ZFAND4: variants seen among roughly 807,000 people sequenced by gnomAD.
ZFAND4 encodes the protein AN1-type zinc finger protein 4.
Under a neutral mutation model 64.4 loss-of-function variants are expected in ZFAND4, and 43 were observed. The observed-to-expected ratio is 0.67, with a 90% confidence interval of 0.52 to 0.86. The LOEUF is 0.86. Ranked by LOEUF, ZFAND4 falls within the 40% of genes least tolerant of loss-of-function variation. The pLI is 0.00. For synonymous variants in ZFAND4, 296 were observed against 305.7 expected (o/e 0.97, Z 0.33); for missense variants, 929 against 859.8 (o/e 1.08, Z -1.01).
In ZFAND4 at chr10:45,616,127, A is replaced by G. The variant is rs2044925744; in HGVS notation, c.*309T>C. 1 of 276,340 alleles carries G rather than the reference A, an allele frequency of 3.6e-6. No homozygotes were observed. The highest frequency in any genetic ancestry group is 5.0e-5 in the Admixed American group (1 of 20,038). 17.1% of individuals were successfully genotyped at this position (276,340 alleles called of 1,614,324 possible). A position where few individuals can be genotyped will look rare whatever the true frequency, so the allele number is the denominator to read the frequency against. ...TTATTTAGGAAATATTTCGTTTCCT[A>G]AAGTGCATCTTTTGAAGATTTGCCT... On this transcript the variant is annotated 3_prime_UTR_variant, in exon 10 of 10. Transcript: ENST00000344646.
intron 6 of ZFAND4, among the ~76,000 whole-genome samples, chr10:45,635,323 T>C (rs1042034129): frequency 6.7e-6 from 1 of 149,314 alleles, no homozygotes; most frequent in Non-Finnish European, 1.5e-5. Context: ...TGAACATAGA[T>C]GCACAACCAA....
chr10:45,654,595 G>A (rs1318242887), intron 2 of ZFAND4, among the ~76,000 whole-genome samples: 20 of 151,564 alleles, frequency 1.3e-4, no homozygotes, highest in African/African-American at 3.6e-4. Context: ...CTCCAGCCTG[G>A]CAACAGAGTG....
At chr10:45,635,126 A>G (rs954550115) in intron 6 of ZFAND4, among the ~76,000 whole-genome samples, 15 of 151,102 alleles carry the variant, frequency 9.9e-5, no homozygotes, top group African/African-American at 3.4e-4. Flanking sequence ...TTTTTCACAG[A>G]AACAGAAAAA....
intron 2 of ZFAND4, among the ~76,000 whole-genome samples, chr10:45,658,192 C>G (rs527292425): frequency 1.3e-5 from 2 of 152,200 alleles, no homozygotes; most frequent in South Asian, 4.1e-4. Flanking sequence ...TAGGGAGGGC[C>G]CTCATCCAAT....
intron 3 of ZFAND4, among the ~76,000 whole-genome samples, chr10:45,652,280 C>T (rs371958551): frequency 2.6e-5 from 4 of 152,122 alleles, no homozygotes; most frequent in Admixed American, 6.5e-5. Context: ...TCTGTGATTA[C>T]GTGTTTTAGC....
chr10:45,625,874 A>T (rs1193828607), intron 7 of ZFAND4, 77 bp downstream of exon 7: 4 of 1,365,408 alleles, frequency 2.9e-6, no homozygotes, highest in Non-Finnish European at 4.0e-6. Flanking sequence ...TTATTTATGT[A>T]AACAAAAACC....
chr10:45,630,388 G>A (rs2046121211), intron 6 of ZFAND4, among the ~76,000 whole-genome samples: 1 of 152,032 alleles, frequency 6.6e-6, no homozygotes, highest in African/African-American at 2.4e-5. Flanking sequence ...TAAATTACAA[G>A]GTGCCCACAG....
intron 6 of ZFAND4, 146 bp from the exon 7 acceptor site, chr10:45,627,251 T>G: frequency 1.6e-6 from 1 of 607,526 alleles, no homozygotes; most frequent in Non-Finnish European, 2.6e-6. Context: ...AATAAAATCT[T>G]AAGATTATGA....
Position 45,627,030 on chromosome 10 carries a change from G to A in ZFAND4, c.793C>T (p.Arg265Cys), listed in dbSNP as rs746654104. ...RPSSGSTAPS[R>C]HRLLRVLPNI... ...GGGAGGACCCTTAACAATCGGTGGCGAGATGGTGCAGTGGAACCACTAGAA... is the reference window on the plus strand; with the variant it reads ...GGGAGGACCCTTAACAATCGGTGGCAAGATGGTGCAGTGGAACCACTAGAA... Residue 265 changes from arginine to cysteine, a missense_variant, in exon 7 of 10, where the codon CGC (arginine) becomes TGC (cysteine). Transcript: ENST00000344646. 1.2e-5 allele frequency: 19 copies of A among 1,605,048 alleles called. 1 individual carries two copies. In the East Asian group the frequency reaches 1.3e-4, roughly 11 times the overall value.
At position 45,626,035 on chromosome 10, in the gene ZFAND4, A is replaced by C; in HGVS notation, c.1788T>G (p.Thr596=). The stretch of plus-strand genomic sequence containing the variant: ...AATGCTGGAGGTTTGTAGACAGCCC[A>C]GTTCCAGAGTTCTGAAGCCTGCCTG... The part of the protein sequence containing the change: ...RGAGRLQNSG[T]GLSTNLQHFQ... The change falls in exon 7 of 10, where the codon ACT becomes ACG. Residue 596 remains threonine, a synonymous_variant. Transcript: ENST00000344646. 1 of 1,614,156 alleles carries C rather than the reference A, an allele frequency of 6.2e-7. No individual in the cohort carries two copies. The highest frequency in any genetic ancestry group is 1.7e-5 in the Admixed American group (1 of 60,022).
intron 8 of ZFAND4, among the ~76,000 whole-genome samples, chr10:45,623,432 TGTGTGTACACACACACGCACA>T (rs377132976): frequency 7.2e-5 from 11 of 152,324 alleles, no homozygotes; most frequent in African/African-American, 2.6e-4. Context: ...ATATTGTGTG[TGTGTGTACACACACACGCACA>T]ATACAGTATC....
intron 3 of ZFAND4, among the ~76,000 whole-genome samples, chr10:45,652,753 A>G (rs2047841549): frequency 6.6e-6 from 1 of 152,220 alleles, no homozygotes; most frequent in Admixed American, 6.5e-5. Context: ...GGAGATAAAC[A>G]GCTTGACATG....
chr10:45,619,506 G>A (rs1420542382), intron 8 of ZFAND4, among the ~76,000 whole-genome samples: 1 of 152,128 alleles, frequency 6.6e-6, no homozygotes, highest in Non-Finnish European at 1.5e-5. Flanking sequence ...TAAGAAGCAA[G>A]AGGCAAAGAA....
intron 5 of ZFAND4, among the ~76,000 whole-genome samples, chr10:45,640,895 A>G (rs1421823735): frequency 3.3e-5 from 5 of 152,206 alleles, no homozygotes; most frequent in African/African-American, 1.2e-4. Flanking sequence ...ACATCCAGTC[A>G]AGTCATGATA....
At chr10:45,620,693 T>A (rs2045357324) in intron 8 of ZFAND4, 1 of 152,218 alleles carries the variant, frequency 6.6e-6, no homozygotes, top group Non-Finnish European at 1.5e-5. Flanking sequence ...TCTAAATTCC[T>A]TGGACTGGCA....
chr10:45,656,501 CAAAA>C (rs541781976), intron 2 of ZFAND4, among the ~76,000 whole-genome samples: 1 of 24,714 alleles, frequency 4.0e-5, no homozygotes, highest in Non-Finnish European at 7.1e-5. Flanking sequence ...GAACCTGTCT[CAAAA>C]AAAAAAAAAA....
intron 7 of ZFAND4, among the ~76,000 whole-genome samples, chr10:45,625,200 C>T (rs988926475): frequency 6.7e-6 from 1 of 149,820 alleles, no homozygotes; most frequent in African/African-American, 2.5e-5. Flanking sequence ...AGGCCGGGCG[C>T]AATGGCTCAC....
Position 45,616,536 on chromosome 10 carries a change from G to C in ZFAND4, c.2084C>G (p.Ala695Gly). ...ATCATAGGTACAGCCATGAGTTTCT[G>C]CATAACGATGAGATGCACAGAAGTT... ...GNNFCASHRY[A>G]ETHGCTYDYK... The change falls in exon 10 of 10, where the codon GCA (alanine) becomes GGA (glycine). Residue 695 changes from alanine to glycine, a missense_variant. By Grantham distance (60) the Ala-to-Gly change is moderately conservative. Transcript: ENST00000344646. 2 of 1,614,106 alleles carry C rather than the reference G, an allele frequency of 1.2e-6. No individual in the cohort carries two copies. The highest frequency in any genetic ancestry group is 1.7e-6 in the Non-Finnish European group (2 of 1,180,004).
intron 1 of ZFAND4, among the ~76,000 whole-genome samples, chr10:45,668,535 T>G (rs1490463067): frequency 4.6e-5 from 7 of 152,194 alleles, no homozygotes; most frequent in Non-Finnish European, 1.0e-4. Context: ...CATAACAATA[T>G]TAGCCTTACA....
Sources: gnomAD v4.1 joint callset for allele counts (sites outside exome capture counted in the v4.1 genomes callset) on GRCh38, gnomAD v4.1.1 for gene constraint, MANE v1.5 for transcripts, NCBI Gene and HGNC (gene_info 2026-07-23, HGNC 2026-07-21) for gene names.